ZNF503: variants seen among roughly 807,000 people sequenced by gnomAD.
ZNF503 encodes the protein zinc finger protein 503, also known as NocA-like zinc finger 2.
Under a neutral mutation model 34.4 loss-of-function variants are expected in ZNF503, and 15 were observed. That is an observed-to-expected ratio of 0.44 (90% CI 0.29 to 0.67). The LOEUF (loss-of-function observed/expected upper bound fraction) is 0.67. Among genes scored for constraint, ZNF503 ranks in the 30% least tolerant of loss-of-function variants. ZNF503 has a pLI of 0.13. For missense variants in ZNF503, 1,007 were observed against 926.8 expected, an observed-to-expected ratio of 1.09 and a Z score of -1.12; for synonymous variants, 580 against 456.8, an observed-to-expected ratio of 1.27 and a Z score of -3.44.
the ZNF503 span, among the ~76,000 whole-genome samples, chr10:75,385,079 A>G: frequency 6.6e-6 from 1 of 152,270 alleles, no homozygotes; most frequent in Non-Finnish European, 1.5e-5. Context: ...GGGGTTCTCT[A>G]TGGGGCCACG....
chr10:75,398,419 CATAA>C lies in ZNF503; in HGVS notation c.*326_*329del, dbSNP rs1302946005. On this transcript the variant is annotated 3_prime_UTR_variant, in exon 2 of 2. Transcript: ENST00000372524. ...GAACCACCGGTCCGCTTGGAGCTAA[CATAA>C]ATAAATACCAGTGTCCACCGATGCA... 1 of 224,580 alleles carries C rather than the reference CATAA, an allele frequency of 4.5e-6. No individual in the cohort carries two copies. The highest frequency in any genetic ancestry group is 8.6e-6 in the Non-Finnish European group (1 of 116,042). The allele number at this position is 224,580 out of a possible 1,614,324, so 13.9% of individuals were successfully genotyped here.
the ZNF503 span, among the ~76,000 whole-genome samples, chr10:75,287,494 A>C: frequency 6.7e-6 from 1 of 149,182 alleles, no homozygotes; most frequent in African/African-American, 2.5e-5. Context: ...CCCACCCTCT[A>C]CTCTCTCCTG....
chr10:75,381,580 A>C, the ZNF503 span, among the ~76,000 whole-genome samples: 1 of 151,998 alleles, frequency 6.6e-6, no homozygotes. Context: ...CTGTTGGCTG[A>C]GAGGGAGATG....
At position 75,399,956 on chromosome 10, in the gene ZNF503, G is replaced by A. The variant is rs1004043583; in HGVS notation, c.734C>T (p.Ala245Val). 6 of 1,606,110 alleles carry A rather than the reference G, an allele frequency of 3.7e-6. No individual in the cohort carries two copies. The highest frequency in any genetic ancestry group is 1.7e-5 in the Admixed American group (1 of 59,912). Residue 245 changes from alanine (A) to valine (V), a missense_variant, in exon 2 of 2, where the codon GCC becomes GTC. Transcript: ENST00000372524. ...ACSPGGMLSS[A>V]GGAPEGKDDK... The stretch of plus-strand genomic sequence containing the variant: ...GTCCTTGCCCTCCGGGGCACCCCCG[G>A]CCGAGGACAGCATACCTCCCGGCGA...
the ZNF503 span, among the ~76,000 whole-genome samples, chr10:75,312,113 CTCT>C: frequency 6.6e-6 from 1 of 152,216 alleles, no homozygotes; most frequent in Admixed American, 6.5e-5. Flanking sequence ...ATTTTAGCAT[CTCT>C]GCCTCCCATC....
the ZNF503 span, among the ~76,000 whole-genome samples, chr10:75,360,114 CTTTTTTTTTT>C: frequency 1.1e-4 from 12 of 108,470 alleles, no homozygotes; most frequent in East Asian, 1.2e-3. Flanking sequence ...CCAAAGGTTT[CTTTTTTTTTT>C]TTTTTTTTTT....
the ZNF503 span, among the ~76,000 whole-genome samples, chr10:75,293,022 A>G: frequency 1.3e-5 from 2 of 152,178 alleles, no homozygotes; most frequent in Non-Finnish European, 2.9e-5. Flanking sequence ...AGAGAATCCG[A>G]TGGGTTGCAG....
At chr10:75,354,928 C>T in the ZNF503 span, among the ~76,000 whole-genome samples, 1,461 of 152,318 alleles carry the variant, frequency 9.6e-3, 24 homozygotes, top group African/African-American at 0.034. Flanking sequence ...TCACTGCAAC[C>T]TCTGCCTCCC....
the ZNF503 span, among the ~76,000 whole-genome samples, chr10:75,390,998 C>T: frequency 6.6e-6 from 1 of 152,136 alleles, no homozygotes; most frequent in Non-Finnish European, 1.5e-5. Context: ...GGTGTCTCTT[C>T]CTTTTCTTAG....
chr10:75,395,075 G>A (rs563231133), downstream of ZNF503, among the ~76,000 whole-genome samples: 1 of 152,350 alleles, frequency 6.6e-6, no homozygotes, highest in South Asian at 2.1e-4. This position sits in a 1 kb window ranked among gnomAD's most constrained non-coding sequence, Gnocchi z 4.4. Context: ...TAAATGGGAT[G>A]AGCAGCCCTT....
chr10:75,372,350 T>C, the ZNF503 span, among the ~76,000 whole-genome samples: 2 of 152,244 alleles, frequency 1.3e-5, no homozygotes, highest in Admixed American at 1.3e-4. Context: ...TAAAAAATGA[T>C]GTGGTCCAGA....
the ZNF503 span, among the ~76,000 whole-genome samples, chr10:75,388,494 G>A: frequency 8.5e-5 from 13 of 152,290 alleles, no homozygotes; most frequent in Admixed American, 5.2e-4. Context: ...TTCAGTGTAC[G>A]GAGAAATAAA....
the ZNF503 span, among the ~76,000 whole-genome samples, chr10:75,336,377 CAA>C: frequency 1.2e-3 from 167 of 137,374 alleles, no homozygotes; most frequent in Middle Eastern, 3.7e-3. Context: ...ACAGAATTGT[CAA>C]AAAAAAAAAA....
chr10:75,368,015 C>T, the ZNF503 span, among the ~76,000 whole-genome samples: 8 of 152,302 alleles, frequency 5.3e-5, no homozygotes, highest in South Asian at 2.1e-4. Context: ...CAGTAAACCT[C>T]GAGTTAGGGC....
At chr10:75,391,336 C>T in the ZNF503 span, among the ~76,000 whole-genome samples, 2 of 152,138 alleles carry the variant, frequency 1.3e-5, no homozygotes, top group Non-Finnish European at 2.9e-5. Flanking sequence ...GTTCCTCTTC[C>T]TGTGGTTTGG....
the ZNF503 span, among the ~76,000 whole-genome samples, chr10:75,310,926 TA>T: frequency 6.6e-6 from 1 of 152,254 alleles, no homozygotes; most frequent in African/African-American, 2.4e-5. Context: ...CAGGTTTTAA[TA>T]AAAAAACTAA....
chr10:75,382,546 TG>T, the ZNF503 span: 1 of 534,930 alleles, frequency 1.9e-6, no homozygotes, highest in South Asian at 1.7e-5. Context: ...AGATGGTGAC[TG>T]GTGTCTCTTT....
the ZNF503 span, among the ~76,000 whole-genome samples, chr10:75,334,186 C>T: frequency 7.3e-5 from 11 of 150,632 alleles, no homozygotes; most frequent in African/African-American, 2.2e-4. Flanking sequence ...CCAAGGCAGG[C>T]GGCTGCTCCT....
At chr10:75,299,382 T>G in the ZNF503 span, among the ~76,000 whole-genome samples, 80 of 152,284 alleles carry the variant, frequency 5.3e-4, no homozygotes, top group African/African-American at 1.8e-3. Context: ...TGTCAGGTGT[T>G]TTTTCTGCAT....
Sources: allele counts gnomAD v4.1 joint callset (sites outside exome capture counted in the v4.1 genomes callset), GRCh38; gene constraint gnomAD v4.1.1; non-coding constraint Gnocchi (gnomAD v3.1); transcripts MANE v1.5; gene names NCBI Gene and HGNC (gene_info 2026-07-23, HGNC 2026-07-21).